The following CCDC88C variants were observed in gnomAD, a reference collection of about 807,000 sequenced individuals.
The protein encoded by CCDC88C is protein Daple.
CCDC88C carries 131 observed loss-of-function variants against 198.8 expected under a neutral mutation model. The observed-to-expected ratio is 0.66, with a 90% CI of 0.57 to 0.76. CCDC88C has a LOEUF of 0.76. Ranked by LOEUF, CCDC88C falls within the 30% of genes least tolerant of loss-of-function variation. The probability of loss-of-function intolerance (pLI) is 0.00; values close to 1 mark genes in which losing one functional copy is unlikely to be tolerated. For missense variants in CCDC88C, 2,553 were observed against 2,631.6 expected (o/e 0.97, Z 0.65); for synonymous variants, 1,166 against 1,114.7 (o/e 1.05, Z -0.92).
chr14:91,389,541 G>C (rs866770243), intron 3 of CCDC88C, among the ~76,000 whole-genome samples: 1 of 152,124 alleles, frequency 6.6e-6, no homozygotes, highest in East Asian at 1.9e-4. Flanking sequence ...GGGCTTAAGA[G>C]GAATTGCTTT....
chr14:91,353,409 C>T (rs1284603961), intron 4 of CCDC88C, among the ~76,000 whole-genome samples: 3 of 152,226 alleles, frequency 2.0e-5, no homozygotes, highest in Non-Finnish European at 4.4e-5. Flanking sequence ...TGTCGCAGGA[C>T]TCTGTCTTCC....
At chr14:91,402,481 C>T (rs746358073) in intron 3 of CCDC88C, among the ~76,000 whole-genome samples, 3 of 152,092 alleles carry the variant, frequency 2.0e-5, no homozygotes, top group East Asian at 1.9e-4. Context: ...ATGGAAGTCT[C>T]GAAGAAAGAT....
chr14:91,317,253 A>G (rs548856103), intron 13 of CCDC88C, among the ~76,000 whole-genome samples: 1 of 152,376 alleles, frequency 6.6e-6, no homozygotes, highest in Admixed American at 6.5e-5. Context: ...TATGGTTTCC[A>G]GAGGTCCCAG....
At position 91,292,753 on chromosome 14, in the gene CCDC88C, A is replaced by G. The variant is rs112878421; in HGVS notation, c.4112+1420T>C. On this transcript the variant is annotated intron_variant, in intron 23 of 29. Coordinates refer to ENST00000389857, the MANE Select transcript of CCDC88C (RefSeq NM_001080414.4). ...CACGTGGAAGGACAGCCCAACCACC[A>G]TGGCTAGGATCCAGAAACCACTCTA... 5.3e-5 allele frequency among the ~76,000 whole-genome samples: 8 copies of G among 152,098 alleles called. 1 individual carries two copies. The highest frequency in any genetic ancestry group is 1.9e-4 in the African/African-American group (8 of 41,466).
intron 10 of CCDC88C, among the ~76,000 whole-genome samples, chr14:91,326,739 T>C (rs1333511088): frequency 6.6e-6 from 1 of 152,182 alleles, no homozygotes; most frequent in Non-Finnish European, 1.5e-5. Flanking sequence ...TAATTCAACA[T>C]TCATTCTACA....
At chr14:91,388,372 G>A (rs902095141) in intron 3 of CCDC88C, among the ~76,000 whole-genome samples, 1 of 152,170 alleles carries the variant, frequency 6.6e-6, no homozygotes, top group Admixed American at 6.5e-5. Flanking sequence ...GCTCTAGGCT[G>A]CCTCGGCCCA....
chr14:91,316,018 C>G, intron 13 of CCDC88C: 1 of 516,780 alleles, frequency 1.9e-6, no homozygotes, highest in Non-Finnish European at 3.4e-6. Flanking sequence ...TCTGCCCCAT[C>G]CTTGCTGCCA....
At chr14:91,324,158 G>C (rs973352761) in intron 12 of CCDC88C, among the ~76,000 whole-genome samples, 2 of 152,228 alleles carry the variant, frequency 1.3e-5, no homozygotes, top group Admixed American at 6.5e-5. Flanking sequence ...TCCTGCGCAG[G>C]GGGCTGAGTG....
intron 21 of CCDC88C, among the ~76,000 whole-genome samples, chr14:91,298,215 G>C (rs1338325815): frequency 6.6e-6 from 1 of 152,018 alleles, no homozygotes; most frequent in Non-Finnish European, 1.5e-5. Context: ...AGGGAGGATC[G>C]CTTGAGGCCA....
At chr14:91,293,655 C>T (rs144979895) in intron 23 of CCDC88C, among the ~76,000 whole-genome samples, 1 of 149,796 alleles carries the variant, frequency 6.7e-6, no homozygotes, top group African/African-American at 2.4e-5. Context: ...CTTCAACTCC[C>T]CCTGTTTTTT....
intron 20 of CCDC88C, among the ~76,000 whole-genome samples, chr14:91,300,573 A>G (rs957444150): frequency 6.6e-6 from 1 of 152,172 alleles, no homozygotes; most frequent in Non-Finnish European, 1.5e-5. Context: ...ACTTGTTCTT[A>G]GTCTGGCCTT....
chr14:91,348,878 A>C (rs574341707), intron 4 of CCDC88C, among the ~76,000 whole-genome samples: 111 of 152,342 alleles, frequency 7.3e-4, no homozygotes, highest in South Asian at 3.1e-3. Flanking sequence ...ACATTTGCTT[A>C]TTAACAAAAA....
chr14:91,296,392 C>T (rs922827874), intron 22 of CCDC88C, among the ~76,000 whole-genome samples: 58 of 152,374 alleles, frequency 3.8e-4, no homozygotes, highest in African/African-American at 1.3e-3. Context: ...ACCTTTTCCA[C>T]GGGGCCTGCG....
intron 3 of CCDC88C, among the ~76,000 whole-genome samples, chr14:91,385,712 C>G (rs1885091434): frequency 6.6e-6 from 1 of 152,038 alleles, no homozygotes; most frequent in Non-Finnish European, 1.5e-5. Flanking sequence ...ACCTGTAATC[C>G]TAGCACTTTG....
At position 91,309,990 on chromosome 14, in the gene CCDC88C, G is replaced by A. The variant is rs1251140310; in HGVS notation, c.2737-4C>T. ...TCAGCTTCTCGAGCACCAGGTCCTGGAATGATGGGGAGAGAGCACTGGATA... is the reference window on the plus strand; with the variant it reads ...TCAGCTTCTCGAGCACCAGGTCCTGAAATGATGGGGAGAGAGCACTGGATA... On this transcript the variant is annotated splice_polypyrimidine_tract_variant and splice_region_variant and intron_variant, in intron 15 of 29. Transcript: ENST00000389857. 1 of 1,591,268 alleles carries A rather than the reference G, an allele frequency of 6.3e-7. No individual in the cohort carries two copies. Among genetic ancestry groups the A allele is most frequent in the Non-Finnish European group, 8.6e-7 (1 of 1,169,066 alleles).
intron 3 of CCDC88C, among the ~76,000 whole-genome samples, chr14:91,369,677 T>A (rs1894696124): frequency 6.6e-6 from 1 of 152,146 alleles, no homozygotes; most frequent in East Asian, 1.9e-4. Flanking sequence ...GGCTCTCCTC[T>A]CCACCCAGTC....
chr14:91,273,730 G>C lies in CCDC88C; in HGVS notation c.5059-77C>G. 3 of 1,280,222 alleles carry C rather than the reference G, an allele frequency of 2.3e-6. No homozygotes were observed. Among genetic ancestry groups the C allele is most frequent in the East Asian group, 5.5e-5 (2 of 36,242 alleles). 79.3% of individuals were successfully genotyped at this position (1,280,222 alleles called of 1,614,324 possible). ...CTTGGAGCCGCCTCCTGCGCGGGAC[G>C]CCCCCGAGCAGCCCACGTGGCTGGG... On this transcript the variant is annotated intron_variant, in intron 29 of 29. Coordinates refer to ENST00000389857, the MANE Select transcript of CCDC88C (RefSeq NM_001080414.4). The surrounding 1 kb of genome is among the most constrained non-coding windows in gnomAD (Gnocchi z 5.6).
At chr14:91,413,065 G>T (rs150675299) in intron 2 of CCDC88C, among the ~76,000 whole-genome samples, 1 of 152,078 alleles carries the variant, frequency 6.6e-6, no homozygotes, top group South Asian at 2.1e-4. Context: ...CTAGCACCAG[G>T]GGTCACAAGC....
Position 91,294,069 on chromosome 14 carries a change from G to A in CCDC88C, c.4112+104C>T, listed in dbSNP as rs866248161. ...TGTGCCCTGCCCTCAGGATCCCAAC[G>A]GGCCCAGGGGCTCCTCTCTGCATGG... On this transcript the variant is annotated intron_variant, in intron 23 of 29. Transcript: ENST00000389857. 115 of 1,347,552 alleles carry A rather than the reference G, an allele frequency of 8.5e-5. 1 individual carries two copies. The Middle Eastern group carries it at 1.0e-3, about 12-fold the overall frequency. The allele number at this position is 1,347,552 out of a possible 1,614,324, so 83.5% of individuals were successfully genotyped here. A position where few individuals can be genotyped will look rare whatever the true frequency, so the allele number is the denominator to read the frequency against.
Sources: allele counts gnomAD v4.1 joint callset (sites outside exome capture counted in the v4.1 genomes callset), GRCh38; gene constraint gnomAD v4.1.1; non-coding constraint Gnocchi (gnomAD v3.1); transcripts MANE v1.5; gene names NCBI Gene and HGNC (gene_info 2026-07-23, HGNC 2026-07-21).